ACVR2A: variants seen among roughly 807,000 people sequenced by gnomAD.
ACVR2A encodes activin receptor type-2A.
ACVR2A carries 7 observed loss-of-function variants against 61.4 expected under a neutral mutation model. The ratio of observed to expected loss-of-function variants is 0.11; its 90% confidence interval spans 0.06 to 0.21. The LOEUF is 0.21. ACVR2A is among the 10% of genes least tolerant of loss of function. ACVR2A has a pLI of 1.00. For synonymous variants in ACVR2A, 193 were observed against 208.3 expected (o/e 0.93, Z 0.63); for missense variants, 322 against 621.7 (o/e 0.52, Z 5.13).
At chr2:147,887,616 AAAT>A (rs1686473700) in intron 1 of ACVR2A, among the ~76,000 whole-genome samples, 2 of 152,178 alleles carry the variant, frequency 1.3e-5, no homozygotes, top group African/African-American at 4.8e-5. Context: ...TTTAATTGAC[AAAT>A]AATTGCATAT....
chr2:147,863,057 T>G (rs1685765853), intron 1 of ACVR2A, among the ~76,000 whole-genome samples: 1 of 152,188 alleles, frequency 6.6e-6, no homozygotes, highest in African/African-American at 2.4e-5. Context: ...TGAGACTCAG[T>G]GACTTGCCTA....
chr2:147,880,387 ATTTC>A (rs1024043451), intron 1 of ACVR2A, among the ~76,000 whole-genome samples: 3 of 152,032 alleles, frequency 2.0e-5, no homozygotes, highest in African/African-American at 4.8e-5. Flanking sequence ...ATTTTTTTAT[ATTTC>A]TTTATTAATC....
chr2:147,861,100 T>A (rs1331073878), intron 1 of ACVR2A, among the ~76,000 whole-genome samples: 2 of 152,206 alleles, frequency 1.3e-5, no homozygotes, highest in Non-Finnish European at 2.9e-5. Flanking sequence ...TGCAAAGTGC[T>A]TTGAATGATT....
At chr2:147,926,279 A>C in intron 10 of ACVR2A, 118 bp downstream of exon 10, 1 of 1,307,828 alleles carries the variant, frequency 7.6e-7, no homozygotes, top group Non-Finnish European at 1.1e-6. Context: ...TGATCTTCAC[A>C]CAGGATATTC....
At chr2:147,865,489 A>G (rs1433674659) in intron 1 of ACVR2A, among the ~76,000 whole-genome samples, 1 of 151,820 alleles carries the variant, frequency 6.6e-6, no homozygotes, top group Non-Finnish European at 1.5e-5. Flanking sequence ...GTCCTGTTAC[A>G]CTCCCAATTC....
rs193026956 is a variant in ACVR2A at position 147,869,075 on chromosome 2, C to A, written c.55+23868C>A. 3.4e-3 allele frequency among the ~76,000 whole-genome samples: 513 copies of A among 152,076 alleles called. 5 individuals are homozygous for A. The highest frequency in any genetic ancestry group is 6.5e-4 in the Non-Finnish European group (44 of 68,000). ...TTCTTTCATATCTTTAAAAGCAGTCCTTGACGAGTTCTAGATTTGTTTTCT... is the reference window on the plus strand; with the variant it reads ...TTCTTTCATATCTTTAAAAGCAGTCATTGACGAGTTCTAGATTTGTTTTCT... On this transcript the variant is annotated intron_variant, in intron 1 of 10. Transcript: ENST00000241416.
At chr2:147,921,974 T>C (rs1388569895) in intron 8 of ACVR2A, among the ~76,000 whole-genome samples, 7 of 152,088 alleles carry the variant, frequency 4.6e-5, no homozygotes, top group South Asian at 2.1e-4. Flanking sequence ...AGAACACATA[T>C]AAAAGAGGGA....
intron 1 of ACVR2A, among the ~76,000 whole-genome samples, chr2:147,873,884 A>G (rs1032105729): frequency 6.6e-6 from 1 of 151,916 alleles, no homozygotes. Context: ...CCTGGAGGAG[A>G]GAAGTAGTTA....
intron 4 of ACVR2A, among the ~76,000 whole-genome samples, chr2:147,910,406 C>A (rs1483239036): frequency 6.6e-6 from 1 of 152,086 alleles, no homozygotes; most frequent in Non-Finnish European, 1.5e-5. Context: ...GCATGTATTT[C>A]TTTCAAGGGA....
chr2:147,873,287 C>T (rs1217679511), intron 1 of ACVR2A, among the ~76,000 whole-genome samples: 1 of 151,766 alleles, frequency 6.6e-6, no homozygotes, highest in Non-Finnish European at 1.5e-5. Flanking sequence ...TTTCTAGTAG[C>T]CACATTAAAT....
At position 147,845,129 on chromosome 2, in the gene ACVR2A, C is replaced by T; in HGVS notation, c.-24C>T. Reference sequence around the variant, plus strand: ...CTGGATATCTAGCGAGAACTTCCTCCGGATTCCCCGGCGCCTCGGGAAAAT... The same window carrying T: ...CTGGATATCTAGCGAGAACTTCCTCTGGATTCCCCGGCGCCTCGGGAAAAT... On this transcript the variant is annotated 5_prime_UTR_variant, in exon 1 of 11. Transcript: ENST00000241416. 6.2e-7 allele frequency: 1 copy of T among 1,608,304 alleles called. No individual in the cohort carries two copies.
intron 5 of ACVR2A, 119 bp downstream of exon 5, chr2:147,915,453 G>A: frequency 1.7e-5 from 19 of 1,138,452 alleles, no homozygotes; most frequent in Non-Finnish European, 2.4e-5. Flanking sequence ...TGATACTGGG[G>A]AAAGCAGTTA....
intron 7 of ACVR2A, among the ~76,000 whole-genome samples, 199 bp from the exon 8 acceptor site, chr2:147,920,031 G>A (rs1469897410): frequency 6.6e-6 from 1 of 152,084 alleles, no homozygotes; most frequent in Non-Finnish European, 1.5e-5. Context: ...TCCATGTTAT[G>A]AATAGGGGTT....
At chr2:147,856,582 A>T (rs1217354062) in intron 1 of ACVR2A, among the ~76,000 whole-genome samples, 2 of 152,158 alleles carry the variant, frequency 1.3e-5, no homozygotes, top group Non-Finnish European at 2.9e-5. Flanking sequence ...AATTAATTTT[A>T]TATAACCTAA....
rs1210976194 is a variant in ACVR2A, at chr2:147,929,861, C to CCAT, written c.*2590_*2592dup. Reference sequence around the variant, plus strand: ...GTCTTGTATTTTGCCTTTCTGATACCCATCAGAACTGCTGCTGCTCTAACT... The same window carrying CCAT: ...GTCTTGTATTTTGCCTTTCTGATACCCATCATCAGAACTGCTGCTGCTCTAACT... On this transcript the variant is annotated 3_prime_UTR_variant, in exon 11 of 11. Transcript: ENST00000241416. 6.6e-6 allele frequency: 1 copy of CCAT among 152,320 alleles called. No individual in the cohort carries two copies. 9.4% of individuals were successfully genotyped at this position (152,320 alleles called of 1,614,324 possible).
intron 1 of ACVR2A, among the ~76,000 whole-genome samples, chr2:147,888,511 T>A (rs1686497117): frequency 6.6e-6 from 1 of 152,172 alleles, no homozygotes; most frequent in Non-Finnish European, 1.5e-5. Flanking sequence ...AAATTATACC[T>A]AAGTGTTTTA....
At chr2:147,923,967 T>C (rs1687444588) in intron 9 of ACVR2A, among the ~76,000 whole-genome samples, 1 of 152,086 alleles carries the variant, frequency 6.6e-6, no homozygotes, top group African/African-American at 2.4e-5. Flanking sequence ...TAGGACAGAC[T>C]GCCACTGGAA....
chr2:147,896,559 C>A, intron 2 of ACVR2A, 51 bp downstream of exon 2: 1 of 1,550,694 alleles, frequency 6.4e-7, no homozygotes, highest in Non-Finnish European at 8.9e-7. Flanking sequence ...TTTCACACTT[C>A]CCCTCTTTTT....
intron 1 of ACVR2A, among the ~76,000 whole-genome samples, chr2:147,846,996 C>T (rs1352534884): frequency 6.6e-6 from 1 of 151,912 alleles, no homozygotes; most frequent in Non-Finnish European, 1.5e-5. Flanking sequence ...AGCAGGCTGT[C>T]GCTACAGATC....
Sources: gnomAD v4.1 joint callset for allele counts (sites outside exome capture counted in the v4.1 genomes callset) on GRCh38, gnomAD v4.1.1 for gene constraint, MANE v1.5 for transcripts, NCBI Gene and HGNC (gene_info 2026-07-23, HGNC 2026-07-21) for gene names.